Variants in NTM observed in about 807,000 individuals in gnomAD.
NTM encodes the protein neurotrimin.
NTM carries 13 observed loss-of-function variants against 42.1 expected under a neutral mutation model. The observed-to-expected ratio is 0.31, with a 90% CI of 0.20 to 0.49. NTM has a LOEUF of 0.49. NTM is among the 20% of genes least tolerant of loss of function. The pLI, the probability that NTM is intolerant of heterozygous loss-of-function variation, is 0.99. For missense variants in NTM, 373 were observed against 452.8 expected (o/e 0.82, Z 1.60); for synonymous variants, 187 against 179.2 (o/e 1.04, Z -0.35).
chr11:131,944,329 C>T (rs778806910), intron 2 of NTM, among the ~76,000 whole-genome samples: 7 of 152,216 alleles, frequency 4.6e-5, no homozygotes, highest in Admixed American at 6.5e-5. Context: ...GAGACAGCGG[C>T]GCTGATTAGT....
intron 2 of NTM, among the ~76,000 whole-genome samples, chr11:132,070,486 A>C (rs1275406296): frequency 3.3e-5 from 4 of 119,734 alleles, no homozygotes; most frequent in African/African-American, 9.8e-5. Flanking sequence ...TAACACGTCA[A>C]ACTGACCGTC....
intron 1 of NTM, among the ~76,000 whole-genome samples, chr11:131,580,449 C>T (rs1481669782): frequency 6.6e-6 from 1 of 152,138 alleles, no homozygotes; most frequent in Non-Finnish European, 1.5e-5. Context: ...AGCTATAGAT[C>T]ATGCTAGAGA....
chr11:131,501,341 G>A (rs1008600376), intron 1 of NTM, among the ~76,000 whole-genome samples: 1 of 152,180 alleles, frequency 6.6e-6, no homozygotes, highest in Admixed American at 6.5e-5. Flanking sequence ...AGGCCCCTCT[G>A]AGGAGGTGAG....
intron 4 of NTM, among the ~76,000 whole-genome samples, chr11:132,299,876 T>C (rs1369039399): frequency 6.6e-6 from 1 of 152,138 alleles, no homozygotes; most frequent in African/African-American, 2.4e-5. Flanking sequence ...AAAGGAAATG[T>C]CAAGGAACTA....
intron 1 of NTM, among the ~76,000 whole-genome samples, chr11:131,530,425 C>CAAAAA (rs60376694): frequency 2.4e-5 from 2 of 84,968 alleles, no homozygotes; most frequent in African/African-American, 3.6e-5. Context: ...GTGCCTTTCT[C>CAAAAA]AAAAAAAAAA....
chr11:132,275,811 A>G (rs1049234805), intron 4 of NTM, among the ~76,000 whole-genome samples: 6 of 149,094 alleles, frequency 4.0e-5, no homozygotes, highest in African/African-American at 1.5e-4. Flanking sequence ...CCATCGCCTC[A>G]TGTATTTTTC....
chr11:131,889,541 A>T (rs1372741191), intron 1 of NTM, among the ~76,000 whole-genome samples: 1 of 152,206 alleles, frequency 6.6e-6, no homozygotes, highest in African/African-American at 2.4e-5. Context: ...TTTAAAAAAA[A>T]ATACATTAGA....
chr11:132,175,054 G>A (rs746516441), intron 3 of NTM, among the ~76,000 whole-genome samples: 14 of 152,202 alleles, frequency 9.2e-5, no homozygotes, highest in East Asian at 1.9e-4. Flanking sequence ...AGCAGCATTC[G>A]GTCTTGGAAT....
At chr11:132,294,084 G>A (rs2094537833) in intron 4 of NTM, among the ~76,000 whole-genome samples, 1 of 152,158 alleles carries the variant, frequency 6.6e-6, no homozygotes, top group African/African-American at 2.4e-5. Context: ...TCATAGGAAA[G>A]CATGGTTAAG....
chr11:131,832,601 G>A (rs76600429), intron 1 of NTM, among the ~76,000 whole-genome samples: 5,069 of 152,220 alleles, frequency 0.033, 274 homozygotes, highest in African/African-American at 0.12. Flanking sequence ...CTTAGTGTAG[G>A]TTAACTCAAA....
chr11:132,111,135 G>A (rs7112357), intron 2 of NTM, among the ~76,000 whole-genome samples: 86,641 of 128,158 alleles, frequency 0.68, 29,578 homozygotes, highest in Middle Eastern at 0.77. Flanking sequence ...GAAAACTATG[G>A]TCCAAAGTTT....
intron 1 of NTM, chr11:131,769,615 C>T: frequency 2.0e-6 from 2 of 978,886 alleles, no homozygotes; most frequent in Non-Finnish European, 2.4e-6. Flanking sequence ...ATGAGCTCCA[C>T]ACAATCCTGC....
chr11:131,589,852 G>A lies in NTM; in HGVS notation c.82+218964G>A, dbSNP rs376363565. ...GCTGGAGGTGTGAGGCTTATATCAG[G>A]TAATACAGAGTGGAGGGCTCGATCC... On this transcript the variant is annotated intron_variant, in intron 1 of 8. Coordinates refer to ENST00000683400, the MANE Select transcript of NTM (RefSeq NM_001352005.2). Among the ~76,000 whole-genome samples, 62 of 152,268 alleles carry A rather than the reference G, an allele frequency of 4.1e-4. 2 individuals carry two copies. The South Asian group carries it at 8.1e-3, about 20-fold the overall frequency.
chr11:131,646,063 A>G (rs1051761145), intron 1 of NTM, among the ~76,000 whole-genome samples: 1 of 152,262 alleles, frequency 6.6e-6, no homozygotes, highest in Non-Finnish European at 1.5e-5. Flanking sequence ...AGAGATATTG[A>G]TAAGAGGATA....
intron 1 of NTM, among the ~76,000 whole-genome samples, chr11:131,760,627 G>A (rs1431382839): frequency 6.6e-6 from 1 of 152,128 alleles, no homozygotes; most frequent in Non-Finnish European, 1.5e-5. Context: ...CGTTGGCAGC[G>A]GCTAATAGAG....
At chr11:131,893,808 C>T (rs2051776490) in intron 1 of NTM, among the ~76,000 whole-genome samples, 1 of 152,136 alleles carries the variant, frequency 6.6e-6, no homozygotes, top group Admixed American at 6.5e-5. Context: ...TCATGCTCGG[C>T]ATGTGAGATC....
At chr11:131,828,839 G>A (rs1229621480) in intron 1 of NTM, among the ~76,000 whole-genome samples, 1 of 152,062 alleles carries the variant, frequency 6.6e-6, no homozygotes, top group African/African-American at 2.4e-5. Flanking sequence ...TTTAAAAATT[G>A]AAACTCTTTA....
At chr11:132,086,802 G>T (rs1434271373) in intron 2 of NTM, among the ~76,000 whole-genome samples, 3 of 152,162 alleles carry the variant, frequency 2.0e-5, no homozygotes, top group South Asian at 4.1e-4. Flanking sequence ...AGTGTGTCAG[G>T]CTTCTGGGTT....
intron 2 of NTM, among the ~76,000 whole-genome samples, chr11:132,047,776 A>C (rs181525918): frequency 2.6e-5 from 4 of 152,204 alleles, no homozygotes; most frequent in Admixed American, 2.6e-4. Flanking sequence ...AGAGAAGAAA[A>C]CTGGTTTTCT....
Sources: gnomAD v4.1 joint callset for allele counts (sites outside exome capture counted in the v4.1 genomes callset) on GRCh38, gnomAD v4.1.1 for gene constraint, MANE v1.5 for transcripts, NCBI Gene and HGNC (gene_info 2026-07-23, HGNC 2026-07-21) for gene names.